The following TMEM161B variants were observed in gnomAD, a reference collection of about 807,000 sequenced individuals.
TMEM161B encodes transmembrane protein 161B.
In TMEM161B, 34 loss-of-function variants were observed where a neutral mutation model predicts 61.8. The observed-to-expected ratio is 0.55, with a 90% CI of 0.42 to 0.73. The LOEUF (loss-of-function observed/expected upper bound fraction) is 0.73, where lower values mean the gene tolerates loss of function less well. TMEM161B is among the 30% of genes least tolerant of loss of function. The pLI is 0.00. For missense variants in TMEM161B, 456 were observed against 558.5 expected (o/e 0.82, Z 1.85); for synonymous variants, 167 against 192.8 (o/e 0.87, Z 1.11).
chr5:88,261,730 CAA>C (rs70996464), intron 1 of TMEM161B, among the ~76,000 whole-genome samples: 4 of 49,302 alleles, frequency 8.1e-5, no homozygotes, highest in African/African-American at 1.8e-4. Context: ...CATTCATGTG[CAA>C]AAAAAAAAAA....
At chr5:88,268,652 T>C in intron 1 of TMEM161B, 69 bp downstream of exon 1, 1 of 1,609,534 alleles carries the variant, frequency 6.2e-7, no homozygotes, top group African/African-American at 1.3e-5. Context: ...GATGGCTCTT[T>C]TCACAGTACT....
intron 1 of TMEM161B, among the ~76,000 whole-genome samples, chr5:88,257,876 A>C (rs566542039): frequency 1.3e-5 from 2 of 152,332 alleles, no homozygotes; most frequent in South Asian, 4.1e-4. Flanking sequence ...ATTTCTCTTA[A>C]GAAAGACTTG....
intron 5 of TMEM161B, among the ~76,000 whole-genome samples, chr5:88,219,031 G>GC (rs1748436809): frequency 6.6e-6 from 1 of 152,126 alleles, no homozygotes; most frequent in African/African-American, 2.4e-5. Flanking sequence ...GATACCAGGG[G>GC]CATAGGTGCA....
At chr5:88,267,571 T>A (rs377958) in intron 1 of TMEM161B, among the ~76,000 whole-genome samples, 109,306 of 151,902 alleles carry the variant, frequency 0.72, 39,470 homozygotes, top group South Asian at 0.78. Context: ...TTTGAAATCT[T>A]GTATACGGTG....
At chr5:88,189,350 C>T (rs370763850), downstream of TMEM161B, among the ~76,000 whole-genome samples, 30 of 152,214 alleles carry the variant, frequency 2.0e-4, no homozygotes, top group South Asian at 1.5e-3. Flanking sequence ...AGTCAGCTTC[C>T]GGGTGTGACT....
At chr5:88,189,534 C>T (rs1199944721), downstream of TMEM161B, 1 of 152,654 alleles carries the variant, frequency 6.6e-6, no homozygotes, top group Non-Finnish European at 1.5e-5. Context: ...GTCCTTTCCA[C>T]TGTGGGCACA....
intron 2 of TMEM161B, among the ~76,000 whole-genome samples, chr5:88,239,828 G>A (rs1026756942): frequency 4.6e-5 from 7 of 151,986 alleles, no homozygotes; most frequent in Non-Finnish European, 7.4e-5. Flanking sequence ...AATGAAAAGC[G>A]TATTTGTCTT....
At chr5:88,248,902 C>A (rs1309951428) in intron 1 of TMEM161B, among the ~76,000 whole-genome samples, 1 of 152,098 alleles carries the variant, frequency 6.6e-6, no homozygotes, top group Non-Finnish European at 1.5e-5. Flanking sequence ...CCAGGACAAA[C>A]AGATGACACC....
intron 2 of TMEM161B, among the ~76,000 whole-genome samples, chr5:88,231,257 A>G (rs1451000645): frequency 6.6e-6 from 1 of 152,188 alleles, no homozygotes; most frequent in Non-Finnish European, 1.5e-5. Context: ...GGATCATGGG[A>G]ATCCTCAAAT....
rs1183239047 is a variant in TMEM161B, at chr5:88,207,256, T to C, written c.447-76A>G. On this transcript the variant is annotated intron_variant, in intron 5 of 11. Coordinates refer to ENST00000296595, the MANE Select transcript of TMEM161B (RefSeq NM_153354.5). ...ACACAATGATCTTTATAGGACTTGA[T>C]TGCAATAAAATTTGACTACAACATT... is the stretch of plus-strand genomic sequence containing the variant. 4.8e-5 allele frequency: 64 copies of C among 1,346,786 alleles called. No homozygotes were observed. In the Middle Eastern group the frequency reaches 5.6e-4, roughly 12 times the overall value. 83.4% of individuals were successfully genotyped at this position (1,346,786 alleles called of 1,614,324 possible). A position where few individuals can be genotyped will look rare whatever the true frequency, so the allele number is the denominator to read the frequency against.
chr5:88,214,770 G>A (rs566030440), intron 5 of TMEM161B, among the ~76,000 whole-genome samples: 1 of 152,260 alleles, frequency 6.6e-6, no homozygotes, highest in South Asian at 2.1e-4. Flanking sequence ...CAGAGAAGAT[G>A]GTTAGAATTA....
At chr5:88,256,742 G>A (rs1422184965) in intron 1 of TMEM161B, among the ~76,000 whole-genome samples, 4 of 152,160 alleles carry the variant, frequency 2.6e-5, no homozygotes, top group African/African-American at 9.7e-5. Context: ...TTAAACACAA[G>A]TTGAATAAAT....
chr5:88,221,132 G>A (rs1748897013), intron 4 of TMEM161B, among the ~76,000 whole-genome samples: 1 of 152,162 alleles, frequency 6.6e-6, no homozygotes, highest in East Asian at 1.9e-4. Context: ...TAGTTATACT[G>A]TTCACTTTTG....
chr5:88,252,443 G>A (rs868745689), intron 1 of TMEM161B, among the ~76,000 whole-genome samples: 2 of 152,036 alleles, frequency 1.3e-5, no homozygotes, highest in African/African-American at 4.8e-5. Context: ...TAGATATAGC[G>A]ATATATTAAT....
At chr5:88,232,593 A>G (rs1399817116) in intron 2 of TMEM161B, among the ~76,000 whole-genome samples, 1 of 151,528 alleles carries the variant, frequency 6.6e-6, no homozygotes, top group South Asian at 2.1e-4. Context: ...TTTTTTTCTG[A>G]GACAGAGTCT....
chr5:88,234,203 A>G (rs984407029), intron 2 of TMEM161B, among the ~76,000 whole-genome samples: 13 of 152,328 alleles, frequency 8.5e-5, no homozygotes, highest in East Asian at 5.8e-4. Context: ...GATAAAATAC[A>G]TTTTACAAAT....
chr5:88,243,619 G>A (rs1425330871), intron 1 of TMEM161B, among the ~76,000 whole-genome samples: 1 of 151,742 alleles, frequency 6.6e-6, no homozygotes, highest in African/African-American at 2.4e-5. Flanking sequence ...TCCAATAATG[G>A]GATTACTGGG....
Position 88,197,609 on chromosome 5 carries a change from A to G in TMEM161B, c.1186+60T>C, listed in dbSNP as rs1016463137. 20 of 1,357,172 alleles carry G rather than the reference A, an allele frequency of 1.5e-5. No homozygotes were observed. The Admixed American group carries it at 1.5e-4, about 10-fold the overall frequency. The allele number at this position is 1,357,172 out of a possible 1,614,324, so 84.1% of individuals were successfully genotyped here. A position where few individuals can be genotyped will look rare whatever the true frequency, so the allele number is the denominator to read the frequency against. On this transcript the variant is annotated intron_variant, in intron 11 of 11. Transcript: ENST00000296595. ...TTGCATTTCTTTGTTGGTGACAAAA[A>G]GCTTTATTAATTATAGGTAGAAAGT...
intron 1 of TMEM161B, among the ~76,000 whole-genome samples, chr5:88,258,707 T>C (rs747503741): frequency 2.0e-5 from 3 of 152,160 alleles, no homozygotes; most frequent in Non-Finnish European, 4.4e-5. Flanking sequence ...AACAGAACCT[T>C]GCTGTATGAC....
Sources: allele counts gnomAD v4.1 joint callset (sites outside exome capture counted in the v4.1 genomes callset), GRCh38; gene constraint gnomAD v4.1.1; transcripts MANE v1.5; gene names NCBI Gene and HGNC (gene_info 2026-07-23, HGNC 2026-07-21).